The following KYNU variants were observed in gnomAD, a reference collection of about 807,000 sequenced individuals.
The protein encoded by KYNU is kynureninase.
Under a neutral mutation model 59.2 loss-of-function variants are expected in KYNU, and 54 were observed. The observed-to-expected ratio is 0.91, with a 90% CI of 0.73 to 1.14. The LOEUF (loss-of-function observed/expected upper bound fraction) is 1.14. KYNU is among the 50% of genes most tolerant of loss of function. The pLI is 0.00. For missense variants in KYNU, 567 were observed against 554.4 expected (o/e 1.02, Z -0.23); for synonymous variants, 177 against 192.0 (o/e 0.92, Z 0.65).
At chr2:142,939,602 CAAA>C (rs71301737) in intron 4 of KYNU, among the ~76,000 whole-genome samples, 277 of 65,104 alleles carry the variant, frequency 4.3e-3, no homozygotes, top group Middle Eastern at 0.01. Flanking sequence ...CTCCATCTCA[CAAA>C]AAAAAAAAAA....
chr2:142,930,719 C>T (rs1041490361), intron 4 of KYNU, among the ~76,000 whole-genome samples: 1 of 152,184 alleles, frequency 6.6e-6, no homozygotes, highest in Non-Finnish European at 1.5e-5. Context: ...CTTATGACTG[C>T]ACTTAACCTT....
At chr2:143,025,689 C>T (rs1178635037) in intron 10 of KYNU, among the ~76,000 whole-genome samples, 1 of 151,980 alleles carries the variant, frequency 6.6e-6, no homozygotes, top group Non-Finnish European at 1.5e-5. Context: ...TACCATTCTG[C>T]TCTGACTTTT....
chr2:142,985,836 T>G lies in KYNU; in HGVS notation c.829-112T>G, dbSNP rs554745663. 3 of 732,304 alleles carry G rather than the reference T, an allele frequency of 4.1e-6. No homozygotes were observed. The East Asian group carries it at 8.2e-5, about 20-fold the overall frequency. 45.4% of individuals were successfully genotyped at this position (732,304 alleles called of 1,614,324 possible). On this transcript the variant is annotated intron_variant, in intron 9 of 13. Coordinates refer to ENST00000264170, the MANE Select transcript of KYNU (RefSeq NM_003937.3). The stretch of plus-strand genomic sequence containing the variant: ...TCATAAATACACAAATAATCACACA[T>G]TTTGAACTGATCAAATGTTGTGGTT...
At chr2:142,883,607 C>T (rs1256715758) in intron 1 of KYNU, among the ~76,000 whole-genome samples, 3 of 152,094 alleles carry the variant, frequency 2.0e-5, no homozygotes, top group Non-Finnish European at 4.4e-5. Flanking sequence ...CAAGCCAAGC[C>T]CATTTCCACC....
intron 2 of KYNU, among the ~76,000 whole-genome samples, chr2:142,908,115 G>A (rs780834235): frequency 2.0e-5 from 3 of 152,180 alleles, no homozygotes; most frequent in Non-Finnish European, 4.4e-5. Context: ...GCAGTTAGAA[G>A]TATGCTGAGA....
intron 7 of KYNU, chr2:142,958,153 G>C (rs1012872739): frequency 2.6e-5 from 5 of 190,068 alleles, no homozygotes; most frequent in Admixed American, 1.7e-4. Flanking sequence ...TTTGTGTTTA[G>C]ACTAGGATAG....
chr2:142,893,661 T>C (rs1186980411), intron 2 of KYNU, among the ~76,000 whole-genome samples: 1 of 151,964 alleles, frequency 6.6e-6, no homozygotes, highest in Non-Finnish European at 1.5e-5. Flanking sequence ...GAAGATGGTA[T>C]GGGAAAAAAA....
intron 2 of KYNU, among the ~76,000 whole-genome samples, chr2:142,911,110 G>A (rs962586285): frequency 6.6e-5 from 10 of 152,156 alleles, no homozygotes; most frequent in Non-Finnish European, 1.3e-4. Flanking sequence ...AATGACATAG[G>A]TAGTTTGATA....
At chr2:143,019,918 A>G (rs1322343604) in intron 10 of KYNU, among the ~76,000 whole-genome samples, 1 of 151,988 alleles carries the variant, frequency 6.6e-6, no homozygotes, top group Non-Finnish European at 1.5e-5. Flanking sequence ...CTTGTTGCAT[A>G]TAGCTGTTTA....
chr2:142,916,461 A>T (rs1368742632), intron 2 of KYNU, among the ~76,000 whole-genome samples: 1 of 152,186 alleles, frequency 6.6e-6, no homozygotes, highest in Non-Finnish European at 1.5e-5. Context: ...GAAAGCCTGA[A>T]ATATTTACTT....
intron 10 of KYNU, among the ~76,000 whole-genome samples, chr2:143,028,445 T>A (rs28740878): frequency 0.64 from 95,112 of 148,012 alleles, 31,479 homozygotes; most frequent in Middle Eastern, 0.73. Context: ...TGTTTCACCA[T>A]GTTGGTCAGG....
intron 10 of KYNU, among the ~76,000 whole-genome samples, chr2:143,025,930 C>A (rs1056213499): frequency 1.3e-5 from 2 of 152,112 alleles, no homozygotes; most frequent in African/African-American, 2.4e-5. Flanking sequence ...TAATCATTTG[C>A]ATAATTAATC....
chr2:142,971,080 GGA>G (rs1684706272), intron 8 of KYNU: 2 of 152,054 alleles, frequency 1.3e-5, no homozygotes, highest in Admixed American at 1.3e-4. Flanking sequence ...GCCAACAATA[GGA>G]AATCATGAGA....
At chr2:142,940,124 T>C (rs1053846817) in intron 4 of KYNU, among the ~76,000 whole-genome samples, 2 of 151,538 alleles carry the variant, frequency 1.3e-5, no homozygotes, top group African/African-American at 2.5e-5. Context: ...ATTTGTGTAA[T>C]AAATCCTTCG....
chr2:143,024,284 A>G (rs950732571), intron 10 of KYNU, among the ~76,000 whole-genome samples: 6 of 151,964 alleles, frequency 3.9e-5, no homozygotes, highest in African/African-American at 1.4e-4. Flanking sequence ...ACACTTTCAC[A>G]TATCATTTCC....
At chr2:143,003,288 G>T (rs116398319) in intron 10 of KYNU, among the ~76,000 whole-genome samples, 12 of 152,078 alleles carry the variant, frequency 7.9e-5, no homozygotes, top group African/African-American at 2.2e-4. Context: ...TTACAGCTGG[G>T]GGGGGTGGCT....
rs1190403190 is a variant in KYNU, at chr2:143,053,872, G to T, written c.*11700G>T. On this transcript the variant is annotated 3_prime_UTR_variant, in exon 14 of 14. Transcript: ENST00000264170. Reference sequence around the variant, plus strand: ...GGACTTGCCATTAGCGTTGGAAGTGGGGTTGTGGGGGCAGTCTTGTGGAAC... The same window carrying T: ...GGACTTGCCATTAGCGTTGGAAGTGTGGTTGTGGGGGCAGTCTTGTGGAAC... 1.3e-5 allele frequency: 2 copies of T among 152,208 alleles called. No homozygotes were observed. Among genetic ancestry groups the T allele is most frequent in the Non-Finnish European group, 2.9e-5 (2 of 68,068 alleles). The allele number at this position is 152,208 out of a possible 1,614,324, so 9.4% of individuals were successfully genotyped here. A position where few individuals can be genotyped will look rare whatever the true frequency, so the allele number is the denominator to read the frequency against.
chr2:143,032,527 A>T (rs1045696363), intron 11 of KYNU, among the ~76,000 whole-genome samples: 3 of 152,220 alleles, frequency 2.0e-5, no homozygotes, highest in African/African-American at 4.8e-5. Context: ...ACTATAAAAA[A>T]GTCATCAAGT....
At chr2:142,938,980 A>G (rs1683487085) in intron 4 of KYNU, among the ~76,000 whole-genome samples, 1 of 152,034 alleles carries the variant, frequency 6.6e-6, no homozygotes, top group South Asian at 2.1e-4. Context: ...TAAATAAATA[A>G]GTAAAATAAA....
Sources: allele counts gnomAD v4.1 joint callset (sites outside exome capture counted in the v4.1 genomes callset), GRCh38; gene constraint gnomAD v4.1.1; transcripts MANE v1.5; gene names NCBI Gene and HGNC (gene_info 2026-07-23, HGNC 2026-07-21).